Variants in JMY observed in about 807,000 individuals in gnomAD.
The protein encoded by JMY is junction-mediating and -regulatory protein.
In JMY, 46 loss-of-function variants were observed where a neutral mutation model predicts 103.3. The observed-to-expected ratio is 0.45, with a 90% confidence interval of 0.35 to 0.57. The LOEUF is 0.57. Ranked by LOEUF, JMY falls within the 20% of genes least tolerant of loss-of-function variation. The probability of loss-of-function intolerance (pLI) is 0.00; values close to 1 mark genes in which losing one functional copy is unlikely to be tolerated. For missense variants in JMY, 1,238 were observed against 1,255.2 expected (o/e 0.99, Z 0.21); for synonymous variants, 526 against 489.3 (o/e 1.07, Z -0.99).
At chr5:79,295,966 C>G (rs1746551983) in intron 4 of JMY, among the ~76,000 whole-genome samples, 1 of 152,086 alleles carries the variant, frequency 6.6e-6, no homozygotes, top group Non-Finnish European at 1.5e-5. Context: ...TGTTTTAGTC[C>G]CTGTCCTTAG....
In JMY at chr5:79,314,875, C is replaced by A. The variant is rs144907646; in HGVS notation, c.2659+24C>A. ...AGGTACGTCAACATATTTTCATGGT[C>A]CATCTGTTGTATGACATCAGGCATA... On this transcript the variant is annotated intron_variant, in intron 9 of 10. Coordinates refer to ENST00000396137, the MANE Select transcript of JMY (RefSeq NM_152405.5). The A allele has an allele frequency of 5.3e-5, 81 of 1,527,914 alleles. No homozygotes were observed. The African/African-American group carries it at 9.7e-4, about 18-fold the overall frequency. 94.6% of individuals were successfully genotyped at this position (1,527,914 alleles called of 1,614,324 possible). A position where few individuals can be genotyped will look rare whatever the true frequency, so the allele number is the denominator to read the frequency against.
At position 79,237,281 on chromosome 5, in the gene JMY, G is replaced by T; in HGVS notation, c.631G>T (p.Ala211Ser). 6.4e-7 allele frequency: 1 copy of T among 1,553,934 alleles called. No individual in the cohort carries two copies. The highest frequency in any genetic ancestry group is 1.4e-5 in the African/African-American group (1 of 73,292). The change falls in exon 1 of 11, where the codon GCG (alanine) becomes TCG (serine). Residue 211 changes from alanine (A) to serine (S), a missense_variant. Coordinates refer to ENST00000396137, the MANE Select transcript of JMY (RefSeq NM_152405.5). ...CGAGGCACCTCTGGCGCTCTCGGAC[G>T]CGGAGCAGCCGCCGCCCGCCACCGA... The part of the protein sequence containing the change: ...EDEAPLALSD[A>S]EQPPPATELE...
intron 1 of JMY, among the ~76,000 whole-genome samples, chr5:79,261,148 A>G (rs1236182193): frequency 1.3e-5 from 2 of 152,292 alleles, no homozygotes; most frequent in Middle Eastern, 3.4e-3. Context: ...TAAGATGGCT[A>G]CAAGATGAAA....
chr5:79,259,803 CGAGCCTGCAG>C (rs1745363387), intron 1 of JMY, among the ~76,000 whole-genome samples: 1 of 152,208 alleles, frequency 6.6e-6, no homozygotes, highest in South Asian at 2.1e-4. Context: ...CAGACACCTC[CGAGCCTGCAG>C]GGGCAAGGTG....
At chr5:79,289,234 C>CAAA (rs535416062) in intron 2 of JMY, among the ~76,000 whole-genome samples, 15 of 55,436 alleles carry the variant, frequency 2.7e-4, no homozygotes, top group African/African-American at 8.4e-4. Flanking sequence ...GACGCCGTCT[C>CAAA]AAAAAAAAAA....
At chr5:79,253,840 A>AT (rs34793667) in intron 1 of JMY, among the ~76,000 whole-genome samples, 1,905 of 149,752 alleles carry the variant, frequency 0.013, 45 homozygotes, top group East Asian at 0.092. Flanking sequence ...ACCACTCTTT[A>AT]TTTTTTTGTA....
chr5:79,300,864 G>T lies in JMY; in HGVS notation c.1881+1G>T. The T allele has an allele frequency of 6.3e-7, 1 of 1,581,414 alleles. No homozygotes were observed. Among genetic ancestry groups the T allele is most frequent in the East Asian group, 2.3e-5 (1 of 43,940 alleles). On this transcript the variant is annotated splice_donor_variant, in intron 6 of 10. Transcript: ENST00000396137. LOFTEE classifies it high-confidence loss of function. Reference sequence around the variant, plus strand: ...GAAATCCTACCTCAGAAATAAAAAGGTATTTAAATATTGCTTTTGTTCATT... The same window carrying T: ...GAAATCCTACCTCAGAAATAAAAAGTTATTTAAATATTGCTTTTGTTCATT...
At chr5:79,297,749 C>T (rs1746605873) in intron 4 of JMY, among the ~76,000 whole-genome samples, 1 of 152,176 alleles carries the variant, frequency 6.6e-6, no homozygotes, top group African/African-American at 2.4e-5. Context: ...TTAACAGACT[C>T]CTTCACTGCT....
intron 2 of JMY, among the ~76,000 whole-genome samples, chr5:79,280,494 A>G (rs1287789385): frequency 6.6e-6 from 1 of 152,190 alleles, no homozygotes; most frequent in African/African-American, 2.4e-5. Flanking sequence ...TTCTGACAGT[A>G]AAAATGGTAT....
intron 10 of JMY, among the ~76,000 whole-genome samples, chr5:79,319,076 A>G (rs900638498): frequency 6.6e-5 from 10 of 152,196 alleles, no homozygotes; most frequent in African/African-American, 2.4e-4. Context: ...GCACACCAGC[A>G]GCTGCTCAAG....
chr5:79,253,315 T>C (rs1027179147), intron 1 of JMY, among the ~76,000 whole-genome samples: 6 of 152,010 alleles, frequency 3.9e-5, no homozygotes, highest in Non-Finnish European at 8.8e-5. Context: ...TTTTTGGAGA[T>C]GGAGTCTCGC....
Position 79,236,714 on chromosome 5 carries a change from G to C in JMY, c.64G>C (p.Asp22His). Reference sequence around the variant, plus strand: ...GGTGGCTGTGCGGCCCCATGTGTTCGACGAGCGCGAGAAACACAAATTCGT... The same window carrying C: ...GGTGGCTGTGCGGCCCCATGTGTTCCACGAGCGCGAGAAACACAAATTCGT... ...DWVAVRPHVFDEREKHKFVFI... is the reference protein window; with the variant it reads ...DWVAVRPHVFHEREKHKFVFI... The change falls in exon 1 of 11, where the codon GAC becomes CAC. Residue 22 changes from aspartate (D) to histidine (H), a missense_variant. By Grantham distance (81) the Asp-to-His change is moderately conservative (BLOSUM62 -1). Coordinates refer to ENST00000396137, the MANE Select transcript of JMY (RefSeq NM_152405.5). The C allele has an allele frequency of 6.7e-7, 1 of 1,501,750 alleles. No individual in the cohort carries two copies. Among genetic ancestry groups the C allele is most frequent in the Non-Finnish European group, 8.9e-7 (1 of 1,122,676 alleles). The allele number at this position is 1,501,750 out of a possible 1,614,324, so 93.0% of individuals were successfully genotyped here.
rs1170506642 is a variant in JMY, at chr5:79,289,091, C to T, written c.1207-1030C>T. Among the ~76,000 whole-genome samples, 4 of 151,782 alleles carry T rather than the reference C, an allele frequency of 2.6e-5. No homozygotes were observed. The East Asian group carries it at 5.8e-4, about 22-fold the overall frequency. ...CTATAATAAAAATACAAAAATTAGC[C>T]GAGTGTGGTGGCGGGCATCTGTAAT... On this transcript the variant is annotated intron_variant, in intron 2 of 10. Coordinates refer to ENST00000396137, the MANE Select transcript of JMY (RefSeq NM_152405.5).
At position 79,236,706 on chromosome 5, in the gene JMY, A is replaced by G; in HGVS notation, c.56A>G (p.His19Arg). ...TCGGACTGGGTGGCTGTGCGGCCCC[A>G]TGTGTTCGACGAGCGCGAGAAACAC... ...LESDWVAVRP[H>R]VFDEREKHKF... The change falls in exon 1 of 11, where the codon CAT becomes CGT. Residue 19 changes from histidine to arginine, a missense_variant. Coordinates refer to ENST00000396137, the MANE Select transcript of JMY (RefSeq NM_152405.5). 1 of 1,500,320 alleles carries G rather than the reference A, an allele frequency of 6.7e-7. No homozygotes were observed. Among genetic ancestry groups the G allele is most frequent in the Non-Finnish European group, 8.9e-7 (1 of 1,121,828 alleles). 92.9% of individuals were successfully genotyped at this position (1,500,320 alleles called of 1,614,324 possible).
chr5:79,260,579 C>T (rs554671733), intron 1 of JMY, among the ~76,000 whole-genome samples: 14 of 147,420 alleles, frequency 9.5e-5, no homozygotes, highest in South Asian at 4.2e-4. Context: ...TTTGTAGAGA[C>T]GGGGTTTTGC....
At position 79,306,459 on chromosome 5, in the gene JMY, C is replaced by A; in HGVS notation, c.1966C>A (p.Leu656Ile). 1 of 1,603,094 alleles carries A rather than the reference C, an allele frequency of 6.2e-7. No individual in the cohort carries two copies. The highest frequency in any genetic ancestry group is 8.5e-7 in the Non-Finnish European group (1 of 1,172,074). The change falls in exon 7 of 11, where the codon CTA becomes ATA. Residue 656 changes from leucine (L) to isoleucine (I), a missense_variant and splice_region_variant. Coordinates refer to ENST00000396137, the MANE Select transcript of JMY (RefSeq NM_152405.5). ...DEYRTHHTVQ[L>I]KREKLHDEEE... ...ATATAGAACCCATCACACAGTACAA[C>A]TAGTAAGTTTGGATTCGAAGATTTT...
Position 79,312,499 on chromosome 5 carries a change from G to T in JMY, c.2064+1G>T. The T allele has an allele frequency of 1.4e-6, 2 of 1,475,534 alleles. No homozygotes were observed. Among genetic ancestry groups the T allele is most frequent in the Non-Finnish European group, 1.8e-6 (2 of 1,090,796 alleles). 91.4% of individuals were successfully genotyped at this position (1,475,534 alleles called of 1,614,324 possible). A position where few individuals can be genotyped will look rare whatever the true frequency, so the allele number is the denominator to read the frequency against. Reference sequence around the variant, plus strand: ...GGATAGACTTCGAACATTTAAACAGGTATTAAAAGTAATGGTCCATTTATT... The same window carrying T: ...GGATAGACTTCGAACATTTAAACAGTTATTAAAAGTAATGGTCCATTTATT... On this transcript the variant is annotated splice_donor_variant, in intron 8 of 10. Coordinates refer to ENST00000396137, the MANE Select transcript of JMY (RefSeq NM_152405.5). LOFTEE classifies it high-confidence loss of function.
chr5:79,244,658 A>ATTT (rs369361981), intron 1 of JMY, among the ~76,000 whole-genome samples: 1 of 142,992 alleles, frequency 7.0e-6, no homozygotes, highest in Non-Finnish European at 1.5e-5. Flanking sequence ...ATGTGTGCCT[A>ATTT]TTTTTTTTTT....
intron 7 of JMY, among the ~76,000 whole-genome samples, chr5:79,307,682 G>A (rs145399134): frequency 1.1e-4 from 17 of 152,222 alleles, no homozygotes; most frequent in Non-Finnish European, 1.6e-4. Context: ...GCGAAAGAGC[G>A]CATCTGTCCA....
Sources: allele counts gnomAD v4.1 joint callset (sites outside exome capture counted in the v4.1 genomes callset), GRCh38; gene constraint gnomAD v4.1.1; transcripts MANE v1.5; gene names NCBI Gene and HGNC (gene_info 2026-07-23, HGNC 2026-07-21).